SGMS1: variants seen among roughly 807,000 people sequenced by gnomAD.
SGMS1 encodes the protein sphingomyelin synthase 1, also known as phosphatidylcholine:ceramide cholinephosphotransferase 1.
SGMS1 carries 13 observed loss-of-function variants against 46.2 expected under a neutral mutation model. The observed-to-expected ratio is 0.28, with a 90% CI of 0.18 to 0.45. The LOEUF (loss-of-function observed/expected upper bound fraction) is 0.45. SGMS1 is among the 20% of genes least tolerant of loss of function. The pLI is 1.00. For missense variants in SGMS1, 324 were observed against 519.9 expected (o/e 0.62, Z 3.66); for synonymous variants, 203 against 187.8 (o/e 1.08, Z -0.66).
chr10:50,474,698 T>A (rs1208193823), intron 3 of SGMS1, among the ~76,000 whole-genome samples: 1 of 152,200 alleles, frequency 6.6e-6, no homozygotes, highest in Non-Finnish European at 1.5e-5. Context: ...TTAAAATATT[T>A]ACTTATACTC....
intron 2 of SGMS1, among the ~76,000 whole-genome samples, chr10:50,536,313 C>T (rs887615718): frequency 6.6e-6 from 1 of 151,846 alleles, no homozygotes; most frequent in Non-Finnish European, 1.5e-5. Context: ...CAGTCAAGAC[C>T]CTGTCTCAAA....
chr10:50,459,444 C>T (rs1410690590), intron 5 of SGMS1, among the ~76,000 whole-genome samples: 1 of 152,148 alleles, frequency 6.6e-6, no homozygotes, highest in Non-Finnish European at 1.5e-5. Flanking sequence ...ACTCTTGTTG[C>T]CCAGGCTGGA....
intron 5 of SGMS1, among the ~76,000 whole-genome samples, chr10:50,444,558 A>T (rs1836983848): frequency 6.6e-6 from 1 of 152,166 alleles, no homozygotes; most frequent in Non-Finnish European, 1.5e-5. Flanking sequence ...TCATAGGGAA[A>T]GAAAAATGAA....
At chr10:50,415,319 A>T (rs12244472) in intron 6 of SGMS1, among the ~76,000 whole-genome samples, 1 of 152,192 alleles carries the variant, frequency 6.6e-6, no homozygotes, top group African/African-American at 2.4e-5. Flanking sequence ...AAAAAATGTG[A>T]TCTACAATTC....
chr10:50,458,339 C>CTCTTTTTTTT (rs1486288081), intron 5 of SGMS1, among the ~76,000 whole-genome samples: 3 of 97,140 alleles, frequency 3.1e-5, no homozygotes, highest in Non-Finnish European at 5.7e-5. Context: ...TTCTTTTTCT[C>CTCTTTTTTTT]TTTTTTTTTT....
intron 3 of SGMS1, among the ~76,000 whole-genome samples, chr10:50,503,761 AGGCTAGGGTTCACTGCCCC>A (rs1366240850): frequency 9.2e-5 from 14 of 152,160 alleles, no homozygotes; most frequent in Non-Finnish European, 1.9e-4. Flanking sequence ...TAGACGACAA[AGGCTAGGGTTCACTGCCCC>A]GTGCAGACAC....
At chr10:50,366,502 G>T (rs553465029) in intron 6 of SGMS1, among the ~76,000 whole-genome samples, 1 of 152,114 alleles carries the variant, frequency 6.6e-6, no homozygotes, top group Non-Finnish European at 1.5e-5. Flanking sequence ...ACATGCACAC[G>T]TATGTTTATT....
chr10:50,497,110 C>A (rs566982259), intron 3 of SGMS1, among the ~76,000 whole-genome samples: 3 of 152,316 alleles, frequency 2.0e-5, no homozygotes, highest in Middle Eastern at 3.4e-3. Flanking sequence ...CCAGAAGGCT[C>A]GATGCAAACC....
chr10:50,311,397 C>T lies in SGMS1; in HGVS notation c.760G>A (p.Ala254Thr). Residue 254 changes from alanine to threonine, a missense_variant, in exon 9 of 11, where the codon GCC becomes ACC. Physicochemically the swap from Ala to Thr is moderately conservative, Grantham distance 58. This residue lies in a region of SGMS1 where 174 missense variants were observed against 350.1 expected (regional missense o/e 0.50). Transcript: ENST00000361781. Reference protein sequence around the residue: ...CSPKLFGDWEAQLRRIMKLIA... With the variant: ...CSPKLFGDWETQLRRIMKLIA... ...AGCTTCATTATTCTTCGCAGTTGGG[C>T]TTCCCAGTCTCCGAAAAGCTGGCAG... 1 of 1,613,448 alleles carries T rather than the reference C, an allele frequency of 6.2e-7. No individual in the cohort carries two copies. The highest frequency in any genetic ancestry group is 8.5e-7 in the Non-Finnish European group (1 of 1,179,804).
chr10:50,580,931 A>G (rs7915606), intron 2 of SGMS1, among the ~76,000 whole-genome samples: 45,281 of 152,040 alleles, frequency 0.3, 7,681 homozygotes, highest in East Asian at 0.64. Flanking sequence ...TTTTTACTAC[A>G]ATATGTTTTA....
chr10:50,533,792 T>C (rs925442315), intron 2 of SGMS1, among the ~76,000 whole-genome samples: 2 of 152,094 alleles, frequency 1.3e-5, no homozygotes, highest in African/African-American at 4.8e-5. Context: ...TTTATATACA[T>C]GCATATGTAA....
intron 6 of SGMS1, among the ~76,000 whole-genome samples, chr10:50,399,785 T>C (rs1206408101): frequency 6.6e-6 from 1 of 151,988 alleles, no homozygotes; most frequent in East Asian, 1.9e-4. Flanking sequence ...TCCCAGCACT[T>C]TGGGAGGCCG....
intron 3 of SGMS1, among the ~76,000 whole-genome samples, chr10:50,494,049 G>A (rs1837589622): frequency 6.6e-6 from 1 of 152,200 alleles, no homozygotes; most frequent in Non-Finnish European, 1.5e-5. Flanking sequence ...CACCCGCCTT[G>A]GCCTCCCAAA....
At chr10:50,490,823 C>T (rs749979884) in intron 3 of SGMS1, among the ~76,000 whole-genome samples, 2 of 152,056 alleles carry the variant, frequency 1.3e-5, no homozygotes, top group Non-Finnish European at 2.9e-5. Flanking sequence ...TCAGTGTAGA[C>T]GTAATTATTG....
chr10:50,370,452 A>G (rs1040014742), intron 6 of SGMS1, among the ~76,000 whole-genome samples: 3 of 150,986 alleles, frequency 2.0e-5, no homozygotes, highest in African/African-American at 7.3e-5. Context: ...TTTTTTAAAC[A>G]AAGACACAAG....
intron 2 of SGMS1, among the ~76,000 whole-genome samples, chr10:50,534,233 G>C (rs988362085): frequency 3.3e-5 from 5 of 151,994 alleles, no homozygotes; most frequent in African/African-American, 1.2e-4. Flanking sequence ...CAGTCAAAGA[G>C]GGCTCTGTAT....
intron 3 of SGMS1, among the ~76,000 whole-genome samples, chr10:50,471,170 A>G (rs1837375466): frequency 6.6e-6 from 1 of 152,258 alleles, no homozygotes; most frequent in South Asian, 2.1e-4. Context: ...AGTTTTAAGC[A>G]TGACCTCAAA....
At chr10:50,616,687 CCAAAA>C (rs1213141232) in intron 1 of SGMS1, among the ~76,000 whole-genome samples, 1 of 152,088 alleles carries the variant, frequency 6.6e-6, no homozygotes, top group Non-Finnish European at 1.5e-5. Context: ...AAGATCTGTC[CCAAAA>C]CACCTATTAG....
intron 1 of SGMS1, among the ~76,000 whole-genome samples, chr10:50,614,390 A>G (rs1838778155): frequency 6.6e-6 from 1 of 152,202 alleles, no homozygotes; most frequent in South Asian, 2.1e-4. Context: ...CATGAGGCGG[A>G]AGGCACTTCC....
Sources: allele counts gnomAD v4.1 joint callset (sites outside exome capture counted in the v4.1 genomes callset), GRCh38; gene constraint gnomAD v4.1.1; regional missense constraint gnomAD v4.1.1; transcripts MANE v1.5; gene names NCBI Gene and HGNC (gene_info 2026-07-23, HGNC 2026-07-21).